The following CELSR1 variants were observed in gnomAD, a reference collection of about 807,000 sequenced individuals.
The protein encoded by CELSR1 is adhesion G protein-coupled receptor C1.
A neutral mutation model predicts 249.1 loss-of-function variants in CELSR1; 110 were observed. The observed-to-expected ratio is 0.44, with a 90% CI of 0.38 to 0.52. CELSR1 has a LOEUF of 0.52. Ranked by LOEUF, CELSR1 falls within the 20% of genes least tolerant of loss-of-function variation. The probability of loss-of-function intolerance (pLI) is 0.00; values close to 1 mark genes in which losing one functional copy is unlikely to be tolerated. For missense variants in CELSR1, 4,109 were observed against 4,296.4 expected (o/e 0.96, Z 1.22); for synonymous variants, 2,113 against 1,900.0 (o/e 1.11, Z -2.92).
chr22:46,479,983 C>T (rs1285098861), intron 1 of CELSR1, among the ~76,000 whole-genome samples: 1 of 152,076 alleles, frequency 6.6e-6, no homozygotes, highest in Non-Finnish European at 1.5e-5. Context: ...AGGCAATGCT[C>T]GGTTTAGGTC....
chr22:46,458,240 G>C (rs1038890311), intron 2 of CELSR1, among the ~76,000 whole-genome samples: 1 of 152,138 alleles, frequency 6.6e-6, no homozygotes, highest in East Asian at 1.9e-4. Flanking sequence ...GGGGAGCCGG[G>C]GGTGAGGCTA....
At chr22:46,469,971 G>GGGAGGGAGGAAGAGGGGAA (rs1569186638) in intron 1 of CELSR1, among the ~76,000 whole-genome samples, 1 of 99,286 alleles carries the variant, frequency 1.0e-5, no homozygotes, top group Non-Finnish European at 2.2e-5. Context: ...AAGAAAGGGA[G>GGGAGGGAGGAAGAGGGGAA]GGAGGGAGGA....
At chr22:46,475,551 G>A (rs1447787586) in intron 1 of CELSR1, among the ~76,000 whole-genome samples, 4 of 151,862 alleles carry the variant, frequency 2.6e-5, no homozygotes, top group East Asian at 3.9e-4. Context: ...TGGTGGTGAC[G>A]CCCATGAAAC....
At position 46,512,233 on chromosome 22, in the gene CELSR1, G is replaced by A. The variant is rs949224921; in HGVS notation, c.3544+21394C>T. On this transcript the variant is annotated intron_variant, in intron 1 of 34. Coordinates refer to ENST00000674500, the MANE Select transcript of CELSR1 (RefSeq NM_001378328.1). This position sits in a 1 kb window ranked among gnomAD's most constrained non-coding sequence, Gnocchi z 5.2. ...GCAGGTGTCCCGGATTTGCAGAGGA[G>A]GACCAAGAAGCACTCAGGGACTGAG... is the stretch of plus-strand genomic sequence containing the variant. Among the ~76,000 whole-genome samples, 1 of 150,004 alleles carries A rather than the reference G, an allele frequency of 6.7e-6. No homozygotes were observed. Among genetic ancestry groups the A allele is most frequent in the Non-Finnish European group, 1.5e-5 (1 of 68,014 alleles).
rs76043874 is a variant in CELSR1 at position 46,381,196 on chromosome 22, A to C, written c.7089-241T>G. 0.056 allele frequency among the ~76,000 whole-genome samples: 8,460 copies of C among 152,216 alleles called. 770 individuals carry two copies. The highest frequency in any genetic ancestry group is 0.19 in the African/African-American group (7,923 of 41,504). ...CAAATTGGGACTTCAGAAATTTAAA[A>C]AGAAAGAGAAGGCACAGGTGCAAAG... On this transcript the variant is annotated intron_variant, in intron 21 of 34. Transcript: ENST00000674500. The surrounding 1 kb of genome is among the most constrained non-coding windows in gnomAD (Gnocchi z 6.0).
chr22:46,428,186 A>G lies in CELSR1; in HGVS notation c.4611+5207T>C, dbSNP rs190314226. ...ACCGGGCCTCATGCTGTCTTTATAA[A>G]AGCACTTTCCGCAGCATGCCAAAGA... is the stretch of plus-strand genomic sequence containing the variant. On this transcript the variant is annotated intron_variant, in intron 5 of 34. Transcript: ENST00000674500. The surrounding 1 kb of genome is among the most constrained non-coding windows in gnomAD (Gnocchi z 5.7). Among the ~76,000 whole-genome samples the G allele has an allele frequency of 2.0e-5, 3 of 152,162 alleles. No homozygotes were observed. The highest frequency in any genetic ancestry group is 2.9e-5 in the Non-Finnish European group (2 of 68,042).
Position 46,506,341 on chromosome 22 carries a change from C to T in CELSR1, c.3544+27286G>A, listed in dbSNP as rs544904523. Reference sequence around the variant, plus strand: ...GGGGAGCAGCAGAGCCCCGCAGGCCCTGTTGGGGTTTGGGGAGGCCCCACC... The same window carrying T: ...GGGGAGCAGCAGAGCCCCGCAGGCCTTGTTGGGGTTTGGGGAGGCCCCACC... On this transcript the variant is annotated intron_variant, in intron 1 of 34. Coordinates refer to ENST00000674500, the MANE Select transcript of CELSR1 (RefSeq NM_001378328.1). This position sits in a 1 kb window ranked among gnomAD's most constrained non-coding sequence, Gnocchi z 4.1. 6.6e-6 allele frequency among the ~76,000 whole-genome samples: 1 copy of T among 152,320 alleles called. No homozygotes were observed. The highest frequency in any genetic ancestry group is 6.5e-5 in the Admixed American group (1 of 15,296).
chr22:46,442,327 C>A (rs2079760990), intron 2 of CELSR1, among the ~76,000 whole-genome samples: 1 of 152,250 alleles, frequency 6.6e-6, no homozygotes, highest in South Asian at 2.1e-4. Flanking sequence ...GCTGGGGCAG[C>A]CCCCATCCAG....
At chr22:46,435,979 G>C (rs765226189) in intron 4 of CELSR1, among the ~76,000 whole-genome samples, 195 bp downstream of exon 4, 3 of 152,154 alleles carry the variant, frequency 2.0e-5, no homozygotes, top group Non-Finnish European at 4.4e-5. Flanking sequence ...GATTACAGGC[G>C]TGAGCCACCA....
In CELSR1 at chr22:46,402,765, G is replaced by C. The variant is rs1032511174; in HGVS notation, c.5227-2863C>G. ...TGGGTGTAGGTGTTACAGAGATAAG[G>C]GTCAAACGGCCATGTTTAAGTACAT... is the stretch of plus-strand genomic sequence containing the variant. On this transcript the variant is annotated intron_variant, in intron 9 of 34. Coordinates refer to ENST00000674500, the MANE Select transcript of CELSR1 (RefSeq NM_001378328.1). The surrounding 1 kb of genome is among the most constrained non-coding windows in gnomAD (Gnocchi z 5.0). Among the ~76,000 whole-genome samples the C allele has an allele frequency of 2.0e-5, 3 of 151,966 alleles. No homozygotes were observed. Among genetic ancestry groups the C allele is most frequent in the Non-Finnish European group, 4.4e-5 (3 of 68,002 alleles).
At chr22:46,510,514 C>A (rs1203376313) in intron 1 of CELSR1, among the ~76,000 whole-genome samples, 2 of 152,208 alleles carry the variant, frequency 1.3e-5, no homozygotes, top group African/African-American at 4.8e-5. Flanking sequence ...AGGGAGGGCC[C>A]ATCGCCATGA....
intron 24 of CELSR1, 64 bp from the exon 25 acceptor site, chr22:46,373,121 A>G: frequency 1.4e-6 from 2 of 1,417,820 alleles, no homozygotes; most frequent in Middle Eastern, 1.9e-4. Context: ...GACAGGCATG[A>G]GTGAGGGGTG....
Position 46,531,082 on chromosome 22 carries a change from T to A in CELSR1, c.3544+2545A>T, listed in dbSNP as rs183825459. The stretch of plus-strand genomic sequence containing the variant: ...ATCTTTTTGTTTGGTCTGTTTTCTA[T>A]CCGGTGCTTTGCTGTCTGGAACCAT... On this transcript the variant is annotated intron_variant, in intron 1 of 34. Transcript: ENST00000674500. Among the ~76,000 whole-genome samples the A allele has an allele frequency of 3.8e-4, 58 of 152,370 alleles. 1 individual carries two copies. Among genetic ancestry groups the A allele is most frequent in the African/African-American group, 1.3e-3 (56 of 41,594 alleles).
intron 1 of CELSR1, among the ~76,000 whole-genome samples, chr22:46,514,088 C>G (rs140214283): frequency 6.6e-6 from 1 of 152,066 alleles, no homozygotes; most frequent in African/African-American, 2.4e-5. Context: ...CCACCGCACC[C>G]GGCCCTCATT....
At chr22:46,496,567 C>A (rs1284434522) in intron 1 of CELSR1, among the ~76,000 whole-genome samples, 1 of 152,152 alleles carries the variant, frequency 6.6e-6, no homozygotes, top group Non-Finnish European at 1.5e-5. Flanking sequence ...AACTCTATCT[C>A]AAAAAATATA....
chr22:46,485,810 G>A (rs1339878485), intron 1 of CELSR1, among the ~76,000 whole-genome samples: 1 of 151,960 alleles, frequency 6.6e-6, no homozygotes, highest in African/African-American at 2.4e-5. Flanking sequence ...ACAGAACCCT[G>A]TTCTGCAAAC....
Position 46,406,145 on chromosome 22 carries a change from G to A in CELSR1, c.5226+2851C>T, listed in dbSNP as rs969505859. On this transcript the variant is annotated intron_variant, in intron 9 of 34. Coordinates refer to ENST00000674500, the MANE Select transcript of CELSR1 (RefSeq NM_001378328.1). This position sits in a 1 kb window ranked among gnomAD's most constrained non-coding sequence, Gnocchi z 5.4. Reference sequence around the variant, plus strand: ...TCCTACAGAGACCCCACTGCCAAATGACAACTTGCAAGCTCCAGTTCATCA... The same window carrying A: ...TCCTACAGAGACCCCACTGCCAAATAACAACTTGCAAGCTCCAGTTCATCA... Among the ~76,000 whole-genome samples the A allele has an allele frequency of 6.6e-6, 1 of 152,212 alleles. No individual in the cohort carries two copies. The highest frequency in any genetic ancestry group is 2.4e-5 in the African/African-American group (1 of 41,454).
chr22:46,406,001 G>A lies in CELSR1; in HGVS notation c.5226+2995C>T, dbSNP rs1017975479. On this transcript the variant is annotated intron_variant, in intron 9 of 34. Transcript: ENST00000674500. This position sits in a 1 kb window ranked among gnomAD's most constrained non-coding sequence, Gnocchi z 5.4. ...AGCCACCCAGACTTCCACAGGGAGG[G>A]CTGGCTGTAGTCCCTGGCAAAATTC... Among the ~76,000 whole-genome samples the A allele has an allele frequency of 1.3e-5, 2 of 152,164 alleles. No individual in the cohort carries two copies. The highest frequency in any genetic ancestry group is 4.8e-5 in the African/African-American group (2 of 41,456).
In CELSR1 at chr22:46,522,367, T is replaced by C. The variant is rs191301239; in HGVS notation, c.3544+11260A>G. ...CTCAAGCAATCCTCCTGCCTCAGAT[T>C]CCCAAAGTGCCAGGATTATAGGCTG... On this transcript the variant is annotated intron_variant, in intron 1 of 34. Coordinates refer to ENST00000674500, the MANE Select transcript of CELSR1 (RefSeq NM_001378328.1). Among the ~76,000 whole-genome samples the C allele has an allele frequency of 1.7e-3, 264 of 152,276 alleles. No individual in the cohort carries two copies. The Middle Eastern group carries it at 0.02, about 12-fold the overall frequency.
Sources: allele counts gnomAD v4.1 joint callset (sites outside exome capture counted in the v4.1 genomes callset), GRCh38; gene constraint gnomAD v4.1.1; non-coding constraint Gnocchi (gnomAD v3.1); transcripts MANE v1.5; gene names NCBI Gene and HGNC (gene_info 2026-07-23, HGNC 2026-07-21).